Variants in CEPT1 observed in about 807,000 individuals in gnomAD.
The protein encoded by CEPT1 is choline/ethanolamine phosphotransferase 1, also known as choline/ethanolaminephosphotransferase 1.
In CEPT1, 7 loss-of-function variants were observed where a neutral mutation model predicts 42.6. The observed-to-expected ratio is 0.16, with a 90% CI of 0.09 to 0.31. CEPT1 has a LOEUF of 0.31. CEPT1 is among the 10% of genes least tolerant of loss of function. The probability of loss-of-function intolerance (pLI) is 1.00; values close to 1 mark genes in which losing one functional copy is unlikely to be tolerated. For missense variants in CEPT1, 306 were observed against 502.1 expected (o/e 0.61, Z 3.73); for synonymous variants, 171 against 171.9 (o/e 0.99, Z 0.04).
At chr1:111,172,268 T>G (rs1656457043) in intron 4 of CEPT1, among the ~76,000 whole-genome samples, 1 of 152,208 alleles carries the variant, frequency 6.6e-6, no homozygotes, top group Non-Finnish European at 1.5e-5. Context: ...GGTTTTGTTT[T>G]TTGTTGTTTT....
In CEPT1 at chr1:111,146,517, A is replaced by C. The variant is rs79040921; in HGVS notation, c.-73-1125A>C. 2.6e-5 allele frequency among the ~76,000 whole-genome samples: 4 copies of C among 152,288 alleles called. No homozygotes were observed. The East Asian group carries it at 7.7e-4, about 29-fold the overall frequency. ...TACTTTCTGCTGAATCTTCCATCTAAATAGAAATTACTTATAGATTTGACT... is the reference window on the plus strand; with the variant it reads ...TACTTTCTGCTGAATCTTCCATCTACATAGAAATTACTTATAGATTTGACT... On this transcript the variant is annotated intron_variant, in intron 1 of 8. Transcript: ENST00000357172.
intron 4 of CEPT1, chr1:111,167,028 T>A: frequency 1.7e-6 from 1 of 582,638 alleles, no homozygotes. Flanking sequence ...AATCTATTTT[T>A]GTTACCTGTG....
At chr1:111,162,977 A>G (rs182867618) in intron 4 of CEPT1, among the ~76,000 whole-genome samples, 3 of 152,300 alleles carry the variant, frequency 2.0e-5, no homozygotes, top group Non-Finnish European at 4.4e-5. Context: ...AATTTTGAGC[A>G]TTCAGAAGAA....
intron 1 of CEPT1, among the ~76,000 whole-genome samples, chr1:111,146,329 T>C (rs1369574117): frequency 6.6e-6 from 1 of 152,114 alleles, no homozygotes; most frequent in Non-Finnish European, 1.5e-5. Flanking sequence ...ATTCCATTCC[T>C]ACCCTCATCC....
At chr1:111,146,080 CT>C (rs78721621) in intron 1 of CEPT1, among the ~76,000 whole-genome samples, 4,695 of 137,378 alleles carry the variant, frequency 0.034, 221 homozygotes, top group African/African-American at 0.1. Flanking sequence ...AAGATTCTTT[CT>C]TTTTTTTTTT....
rs1306186118 is a variant in CEPT1, at chr1:111,182,624, T to G, written c.847-175T>G. ...AAATCCTCAGTTTGTGCCTAATGAATTTATGCTGCTACTTTTCATTAGCTC... is the reference window on the plus strand; with the variant it reads ...AAATCCTCAGTTTGTGCCTAATGAAGTTATGCTGCTACTTTTCATTAGCTC... On this transcript the variant is annotated intron_variant, in intron 6 of 8. Transcript: ENST00000357172. The G allele has an allele frequency of 1.8e-5, 11 of 619,540 alleles. No individual in the cohort carries two copies. The East Asian group carries it at 2.1e-4, about 12-fold the overall frequency. 38.4% of individuals were successfully genotyped at this position (619,540 alleles called of 1,614,324 possible).
chr1:111,181,974 G>A (rs1657016199), intron 5 of CEPT1: 1 of 327,742 alleles, frequency 3.1e-6, no homozygotes. Flanking sequence ...TTTTAAGGTT[G>A]ATGGCTGAAG....
In CEPT1 at chr1:111,145,417, A is replaced by G. The variant is rs183665010; in HGVS notation, c.-73-2225A>G. 3.9e-5 allele frequency among the ~76,000 whole-genome samples: 6 copies of G among 152,318 alleles called. No homozygotes were observed. The East Asian group carries it at 1.2e-3, about 29-fold the overall frequency. On this transcript the variant is annotated intron_variant, in intron 1 of 8. Coordinates refer to ENST00000357172, the MANE Select transcript of CEPT1 (RefSeq NM_006090.5). ...GGGCATTAACTTGACTATAATGACT[A>G]TTTTCTAAACCAAATATTGAGATAC... is the stretch of plus-strand genomic sequence containing the variant.
At chr1:111,158,389 C>T (rs1273511725) in intron 2 of CEPT1, among the ~76,000 whole-genome samples, 1 of 152,004 alleles carries the variant, frequency 6.6e-6, no homozygotes, top group African/African-American at 2.4e-5. Context: ...AATTTAATAC[C>T]AGCAGTTCAA....
intron 2 of CEPT1, among the ~76,000 whole-genome samples, chr1:111,155,164 A>G (rs955242840): frequency 5.9e-5 from 9 of 152,046 alleles, no homozygotes; most frequent in African/African-American, 2.2e-4. Flanking sequence ...GTTATTTGTT[A>G]TTAGTCTGTT....
chr1:111,152,351 A>T (rs1227219231), intron 2 of CEPT1, among the ~76,000 whole-genome samples: 1 of 152,134 alleles, frequency 6.6e-6, no homozygotes, highest in Non-Finnish European at 1.5e-5. Flanking sequence ...TTACAGAGTT[A>T]AAAAAATGCA....
chr1:111,182,819 T>C lies in CEPT1; in HGVS notation c.867T>C (p.Pro289=), dbSNP rs1308844634. Residue 289 remains proline, a synonymous_variant, in exon 7 of 9, where the codon CCT becomes CCC. Coordinates refer to ENST00000357172, the MANE Select transcript of CEPT1 (RefSeq NM_006090.5). ...TACAGGGAACAAGTGTCCTTTCTCC[T>C]TTTCTCCATATTGGATCAGTGATTA... ...STIAGTSVLS[P]FLHIGSVITL... is the part of the protein sequence containing the mutation. 1 of 1,613,038 alleles carries C rather than the reference T, an allele frequency of 6.2e-7. No homozygotes were observed. Among genetic ancestry groups the C allele is most frequent in the Admixed American group, 1.7e-5 (1 of 59,962 alleles).
At position 111,159,416 on chromosome 1, in the gene CEPT1, C is replaced by G; in HGVS notation, c.376C>G (p.Leu126Val). 1.2e-6 allele frequency: 2 copies of G among 1,612,624 alleles called. No individual in the cohort carries two copies. The highest frequency in any genetic ancestry group is 1.7e-6 in the Non-Finnish European group (2 of 1,179,580). Residue 126 changes from leucine to valine, a missense_variant, in exon 3 of 9, where the codon CTT becomes GTT. Transcript: ENST00000357172. Reference protein sequence around the residue: ...LWAYIACACGLFIYQSLDAID... With the variant: ...LWAYIACACGVFIYQSLDAID... ...GGCATATATTGCTTGTGCCTGTGGCCTTTTCATTTACCAGTCTTTGGATGC... is the reference window on the plus strand; with the variant it reads ...GGCATATATTGCTTGTGCCTGTGGCGTTTTCATTTACCAGTCTTTGGATGC...
At chr1:111,151,275 C>T (rs764780107) in intron 2 of CEPT1, among the ~76,000 whole-genome samples, 7 of 152,108 alleles carry the variant, frequency 4.6e-5, no homozygotes, top group Admixed American at 6.5e-5. Context: ...AGGCGCACGC[C>T]GCCACACCCA....
chr1:111,180,485 T>C (rs1028588844), intron 5 of CEPT1: 4 of 152,328 alleles, frequency 2.6e-5, no homozygotes, highest in South Asian at 4.1e-4. Context: ...GAACTTAGAC[T>C]GTAGAGGTTG....
At chr1:111,184,083 A>C (rs1657131291) in intron 8 of CEPT1, 108 bp from the exon 9 acceptor site, 1 of 1,104,974 alleles carries the variant, frequency 9.0e-7, no homozygotes, top group South Asian at 1.6e-5. Context: ...GAATTATTTT[A>C]TGGAATGGAA....
At chr1:111,181,559 A>G (rs1314441531) in intron 5 of CEPT1, 1 of 152,232 alleles carries the variant, frequency 6.6e-6, no homozygotes, top group East Asian at 1.9e-4. Flanking sequence ...TGTATGCACA[A>G]TAGTAGAATC....
In CEPT1 at chr1:111,142,098, A is replaced by G. The variant is rs564562874; in HGVS notation, c.-74+1791A>G. 1.1e-4 allele frequency among the ~76,000 whole-genome samples: 16 copies of G among 152,238 alleles called. No homozygotes were observed. In the South Asian group the frequency reaches 3.3e-3, roughly 32 times the overall value. On this transcript the variant is annotated intron_variant, in intron 1 of 8. Coordinates refer to ENST00000357172, the MANE Select transcript of CEPT1 (RefSeq NM_006090.5). Reference sequence around the variant, plus strand: ...TACTTGTCAGACATTCCCCATGCTAAAGTCCACACAGGAATAATGTAGCCC... The same window carrying G: ...TACTTGTCAGACATTCCCCATGCTAGAGTCCACACAGGAATAATGTAGCCC...
intron 1 of CEPT1, among the ~76,000 whole-genome samples, chr1:111,142,250 T>C (rs1211229646): frequency 6.6e-6 from 1 of 152,202 alleles, no homozygotes; most frequent in East Asian, 1.9e-4. Context: ...ACATAAATAT[T>C]TATGCTTGCA....
Sources: gnomAD v4.1 joint callset for allele counts (sites outside exome capture counted in the v4.1 genomes callset) on GRCh38, gnomAD v4.1.1 for gene constraint, MANE v1.5 for transcripts, NCBI Gene and HGNC (gene_info 2026-07-23, HGNC 2026-07-21) for gene names.